Variants in MAP3K15 observed in about 807,000 individuals in gnomAD.
The protein encoded by MAP3K15 is MAPK/ERK kinase kinase 15.
MAP3K15 carries 124 observed loss-of-function variants against 99.5 expected under a neutral mutation model. That is an observed-to-expected ratio of 1.25 (90% CI 1.08 to 1.45). MAP3K15 has a LOEUF of 1.45. Among genes scored for constraint, MAP3K15 ranks in the 40% most tolerant of loss-of-function variants. The probability of loss-of-function intolerance (pLI) is 0.00; values close to 1 mark genes in which losing one functional copy is unlikely to be tolerated. For synonymous variants in MAP3K15, 494 were observed against 439.6 expected (o/e 1.12, Z -1.55); for missense variants, 1,242 against 1,079.7 (o/e 1.15, Z -2.11).
intron 3 of MAP3K15, among the ~76,000 whole-genome samples, chrX:19,480,642 C>A (rs111243377): frequency 1.1e-5 from 1 of 92,917 alleles, no homozygotes; most frequent in Non-Finnish European, 2.1e-5. Flanking sequence ...CTGCAAAACC[C>A]GGTCTCTACT....
chrX:19,501,516 C>T (rs1302636853), intron 1 of MAP3K15, among the ~76,000 whole-genome samples: 1 of 111,638 alleles, frequency 9.0e-6, no homozygotes, highest in Non-Finnish European at 1.9e-5. Flanking sequence ...CGTAAGTGCA[C>T]TCTATCTATG....
intron 26 of MAP3K15, 41 bp downstream of exon 26, chrX:19,362,697 T>G (rs1363593115): frequency 8.8e-6 from 7 of 791,064 alleles, no homozygotes; most frequent in African/African-American, 2.1e-5. Context: ...ACTAGAATAT[T>G]AGCTAGATGT....
At chrX:19,468,294 C>T (rs1267955999) in intron 3 of MAP3K15, among the ~76,000 whole-genome samples, 1 of 111,900 alleles carries the variant, frequency 8.9e-6, no homozygotes, top group Non-Finnish European at 1.9e-5. Context: ...GAGGAACCTT[C>T]CTGAGGTCAG....
chrX:19,413,683 G>A (rs184958648), intron 10 of MAP3K15, among the ~76,000 whole-genome samples: 2 of 60,326 alleles, frequency 3.3e-5, no homozygotes, highest in Non-Finnish European at 5.7e-5. Flanking sequence ...CTCTTGGGGG[G>A]GGGGGTGGGG....
chrX:19,369,634 G>A (rs1336590795), intron 24 of MAP3K15, among the ~76,000 whole-genome samples: 1 of 110,756 alleles, frequency 9.0e-6, no homozygotes, highest in Non-Finnish European at 1.9e-5. Context: ...AAATTAGCCA[G>A]GTCCAGGCGC....
chrX:19,393,499 C>T (rs951467753), intron 16 of MAP3K15, among the ~76,000 whole-genome samples: 3 of 110,722 alleles, frequency 2.7e-5, no homozygotes, highest in African/African-American at 6.6e-5. Flanking sequence ...GGCGTGGTGG[C>T]ACGCACTTGT....
At chrX:19,387,118 G>A (rs145365683) in intron 18 of MAP3K15, among the ~76,000 whole-genome samples, 1,175 of 112,055 alleles carry the variant, frequency 0.01, 7 homozygotes, top group Middle Eastern at 0.032. Context: ...GAAAGGTGGC[G>A]CCACTTGTTC....
intron 3 of MAP3K15, among the ~76,000 whole-genome samples, chrX:19,467,372 G>A (rs1224642099): frequency 9.0e-6 from 1 of 110,625 alleles, no homozygotes; most frequent in Non-Finnish European, 1.9e-5. Context: ...CTCGCAGCCT[G>A]ATATTGTAGA....
rs138077129 is a variant in MAP3K15, at chrX:19,472,553, A to G, written c.526-8147T>C. ...ATATTGGAATAAGGAAATGACACCA[A>G]ATGGTAACTTGAATCCACAGGAACA... On this transcript the variant is annotated intron_variant, in intron 3 of 28. Transcript: ENST00000338883. Among the ~76,000 whole-genome samples the G allele has an allele frequency of 6.4e-3, 716 of 111,549 alleles. 6 individuals are homozygous for G. The highest frequency in any genetic ancestry group is 0.022 in the African/African-American group (683 of 30,711).
At chrX:19,465,474 G>A (rs991589002) in intron 3 of MAP3K15, among the ~76,000 whole-genome samples, 14 of 109,684 alleles carry the variant, frequency 1.3e-4, no homozygotes, top group Admixed American at 6.8e-4. Context: ...GGCCAGGCGC[G>A]GTGGCTCACG....
chrX:19,479,217 G>A (rs764016972), intron 3 of MAP3K15, among the ~76,000 whole-genome samples: 25 of 111,772 alleles, frequency 2.2e-4, no homozygotes, highest in Non-Finnish European at 4.5e-4. Flanking sequence ...AGCTCGTTAG[G>A]AAGCAGCCCC....
chrX:19,453,647 G>A (rs149380993), intron 6 of MAP3K15, among the ~76,000 whole-genome samples: 1 of 111,340 alleles, frequency 9.0e-6, no homozygotes, highest in Admixed American at 9.6e-5. Context: ...CAAAACAAAG[G>A]ATTTGGACTA....
At chrX:19,425,425 G>C in intron 9 of MAP3K15, 106 bp downstream of exon 9, 1 of 788,058 alleles carries the variant, frequency 1.3e-6, no homozygotes, top group Non-Finnish European at 1.7e-6. Flanking sequence ...TGCTAACTTT[G>C]CTTTAATGAA....
At chrX:19,455,201 G>A (rs2064083155) in intron 6 of MAP3K15, among the ~76,000 whole-genome samples, 1 of 110,971 alleles carries the variant, frequency 9.0e-6, no homozygotes, top group East Asian at 2.8e-4. Flanking sequence ...AGAAGGAAAA[G>A]ACCCATCAAA....
At chrX:19,371,907 CAG>C (rs1407918075) in intron 22 of MAP3K15, among the ~76,000 whole-genome samples, 3 of 111,214 alleles carry the variant, frequency 2.7e-5, no homozygotes, top group Non-Finnish European at 3.8e-5. Flanking sequence ...CCTAGGCAGG[CAG>C]ATCACCTGAG....
intron 18 of MAP3K15, 58 bp from the exon 19 acceptor site, chrX:19,380,335 C>T (rs2063450420): frequency 1.7e-6 from 2 of 1,152,581 alleles, no homozygotes; most frequent in Non-Finnish European, 2.3e-6. Context: ...AACTAAGTGG[C>T]CTGTAGTCCC....
At chrX:19,379,405 T>C (rs2147227721) in intron 19 of MAP3K15, among the ~76,000 whole-genome samples, 2 of 105,375 alleles carry the variant, frequency 1.9e-5, no homozygotes, top group South Asian at 9.0e-4. Context: ...CAAAACTACC[T>C]ACTGTCTTAA....
intron 6 of MAP3K15, among the ~76,000 whole-genome samples, chrX:19,446,899 G>T (rs1045333894): frequency 5.4e-5 from 6 of 110,438 alleles, no homozygotes; most frequent in African/African-American, 2.0e-4. Flanking sequence ...AATTAATTAG[G>T]TAATTTATTT....
chrX:19,374,534 C>T lies in MAP3K15; in HGVS notation c.2716G>A (p.Gly906Ser). The change falls in exon 20 of 29, where the codon GGT (glycine) becomes AGT (serine). Residue 906 changes from glycine (G) to serine (S), a missense_variant. Physicochemically the swap from Gly to Ser is moderately conservative, Grantham distance 56 (BLOSUM62 0). Transcript: ENST00000338883. Reference sequence around the variant, plus strand: ...CCCTTGTTCACCTGCCTTAAGAAACCCTCTCTCAGTAGCTCAGCAGTGGTG... The same window carrying T: ...CCCTTGTTCACCTGCCTTAAGAAACTCTCTCTCAGTAGCTCAGCAGTGGTG... ...RATTAELLRE[G>S]FLRQVNKGKK... The T allele has an allele frequency of 1.7e-6, 2 of 1,211,450 alleles. No homozygotes were observed. The highest frequency in any genetic ancestry group is 2.2e-6 in the Non-Finnish European group (2 of 895,389).
Sources: gnomAD v4.1 joint callset for allele counts (sites outside exome capture counted in the v4.1 genomes callset) on GRCh38, gnomAD v4.1.1 for gene constraint, MANE v1.5 for transcripts, NCBI Gene and HGNC (gene_info 2026-07-23, HGNC 2026-07-21) for gene names.